PC: variants seen among roughly 807,000 people sequenced by gnomAD.
The protein encoded by PC is pyruvate carboxylase.
PC carries 46 observed loss-of-function variants against 107.8 expected under a neutral mutation model. That is an observed-to-expected ratio of 0.43 (90% CI 0.34 to 0.55). The LOEUF is 0.55. Among genes scored for constraint, PC ranks in the 20% least tolerant of loss-of-function variants. PC has a pLI of 0.04. For synonymous variants in PC, 662 were observed against 684.7 expected, an observed-to-expected ratio of 0.97 and a Z score of 0.52; for missense variants, 1,241 against 1,643.1, an observed-to-expected ratio of 0.76 and a Z score of 4.23.
chr11:66,935,120 T>C (rs1948963621), intron 3 of PC, among the ~76,000 whole-genome samples: 1 of 152,256 alleles, frequency 6.6e-6, no homozygotes, highest in Non-Finnish European at 1.5e-5. Flanking sequence ...GAGCTGTGCA[T>C]AGCACAGATG....
intron 13 of PC, 51 bp downstream of exon 13, chr11:66,853,188 T>C (rs765623060): frequency 3.1e-6 from 5 of 1,599,632 alleles, no homozygotes; most frequent in Admixed American, 1.7e-5. Flanking sequence ...GAGCAAGAGA[T>C]TGGAGAGCGG....
Position 66,858,011 on chromosome 11 carries a change from C to A in PC, c.1369-4628G>T. On this transcript the variant is annotated intron_variant, in intron 12 of 22. Transcript: ENST00000393960. This position sits in a 1 kb window ranked among gnomAD's most constrained non-coding sequence, Gnocchi z 5.9. ...GCAATGCCATCACCCGCATTGGGGC[C>A]CGCGCCTTTGGGGACCTCGAGAGCC... is the stretch of plus-strand genomic sequence containing the variant. 3.1e-6 allele frequency: 5 copies of A among 1,612,366 alleles called. No individual in the cohort carries two copies. Among genetic ancestry groups the A allele is most frequent in the Non-Finnish European group, 4.2e-6 (5 of 1,179,956 alleles).
At chr11:66,948,518 C>A (rs1220868761) in intron 3 of PC, among the ~76,000 whole-genome samples, 1 of 152,138 alleles carries the variant, frequency 6.6e-6, no homozygotes, top group Non-Finnish European at 1.5e-5. Context: ...TAAATATGTG[C>A]AACTTATTAT....
chr11:66,873,557 T>TTA (rs1555028751), intron 3 of PC, among the ~76,000 whole-genome samples: 5 of 107,422 alleles, frequency 4.7e-5, no homozygotes, highest in African/African-American at 1.8e-4. Flanking sequence ...TATTATAATA[T>TTA]TATATAATAT....
chr11:66,860,459 T>A (rs1250631379), intron 12 of PC: 1 of 704,138 alleles, frequency 1.4e-6, no homozygotes, highest in Non-Finnish European at 2.6e-6. Flanking sequence ...TATAATAAAA[T>A]TGTTGGGGAC....
rs752883447 is a variant in PC at position 66,852,827 on chromosome 11, A to T, written c.1523T>A (p.Met508Lys). ...QKLLHYLGHV[M>K]VNGPTTPIPV... is the part of the protein sequence containing the mutation. ...AATCGGGGTGGTTGGACCGTTTACC[A>T]TGACATGGCCTGGGGAGAAAGCGGG... Residue 508 changes from methionine (M) to lysine (K), a missense_variant, in exon 14 of 23, where the codon ATG becomes AAG. By Grantham distance (95) the Met-to-Lys change is moderately conservative. Around this residue, in one of 2 missense-constraint regions of PC, gnomAD observed 1,143 missense variants for 1,551.9 expected, o/e 0.74. Coordinates refer to ENST00000393960, the MANE Select transcript of PC (RefSeq NM_001040716.2). The surrounding 1 kb of genome is among the most constrained non-coding windows in gnomAD (Gnocchi z 4.7). The T allele has an allele frequency of 5.1e-6, 8 of 1,570,856 alleles. No homozygotes were observed. The highest frequency in any genetic ancestry group is 4.8e-5 in the South Asian group (4 of 84,050).
At chr11:66,948,565 T>C (rs1185242690) in intron 3 of PC, among the ~76,000 whole-genome samples, 6 of 152,132 alleles carry the variant, frequency 3.9e-5, no homozygotes, top group African/African-American at 1.4e-4. Context: ...TTGTAAAAAC[T>C]AAAATGTATC....
chr11:66,945,959 G>A (rs1364121170), intron 3 of PC, among the ~76,000 whole-genome samples: 5 of 151,054 alleles, frequency 3.3e-5, no homozygotes, highest in African/African-American at 7.3e-5. Flanking sequence ...GGTGGCGGGC[G>A]CCTGTAGTCC....
At chr11:66,850,534 G>A in intron 18 of PC, 70 bp from the exon 19 acceptor site, 1 of 1,610,286 alleles carries the variant, frequency 6.2e-7, no homozygotes, top group Non-Finnish European at 8.5e-7. Flanking sequence ...GGCTAGCTCA[G>A]GTCCCATGTC....
chr11:66,895,299 A>G (rs1447808304), intron 3 of PC, among the ~76,000 whole-genome samples: 1 of 152,126 alleles, frequency 6.6e-6, no homozygotes, highest in African/African-American at 2.4e-5. Context: ...GCCTGCCCAG[A>G]TCATGTACTG....
intron 3 of PC, among the ~76,000 whole-genome samples, chr11:66,873,001 C>T (rs553814108): frequency 1.1e-4 from 16 of 145,902 alleles, no homozygotes; most frequent in African/African-American, 3.8e-4. Context: ...TGCGCCACTG[C>T]CCTCAGCCTG....
Position 66,872,110 on chromosome 11 carries a change from C to T in PC, c.50G>A (p.Arg17His), listed in dbSNP as rs375282341. 1.2e-4 allele frequency: 188 copies of T among 1,575,030 alleles called. No homozygotes were observed. Among genetic ancestry groups the T allele is most frequent in the Non-Finnish European group, 1.5e-4 (170 of 1,161,102 alleles). ...VHGGLRLLGIRRTSTAPAASP... is the reference protein window; with the variant it reads ...VHGGLRLLGIHRTSTAPAASP... The stretch of plus-strand genomic sequence containing the variant: ...GGCAGCGGGGGCGGTGGAGGTTCGG[C>T]GGATTCCCAGGAGCCTCAGGCCCCC... The change falls in exon 4 of 23, where the codon CGC (arginine) becomes CAC (histidine). Residue 17 changes from arginine to histidine, a missense_variant. By Grantham distance (29) the Arg-to-His change is conservative. Around this residue, in one of 2 missense-constraint regions of PC, gnomAD observed 1,143 missense variants for 1,551.9 expected, o/e 0.74. Coordinates refer to ENST00000393960, the MANE Select transcript of PC (RefSeq NM_001040716.2).
chr11:66,860,633 G>C, intron 12 of PC: 2 of 701,800 alleles, frequency 2.8e-6, no homozygotes, highest in Non-Finnish European at 2.6e-6. Context: ...GGGCGGCCCA[G>C]GGCTGCGGCC....
intron 3 of PC, among the ~76,000 whole-genome samples, chr11:66,928,579 G>A (rs1188549069): frequency 1.3e-5 from 2 of 151,976 alleles, no homozygotes; most frequent in Non-Finnish European, 2.9e-5. Flanking sequence ...AGGCTAAAGT[G>A]CAATGGAGCG....
chr11:66,871,696 C>T lies in PC; in HGVS notation c.312G>A (p.Lys104=). ...QAYLHIPDII[K]VAKENNVDAV... ...AGGCCACTGGGCTCACCTTGGCCAC[C>T]TTGATGATGTCTGGGATGTGCAGGT... Residue 104 remains lysine, a synonymous_variant, in exon 5 of 23, where the codon AAG becomes AAA. Coordinates refer to ENST00000393960, the MANE Select transcript of PC (RefSeq NM_001040716.2). The surrounding 1 kb of genome is among the most constrained non-coding windows in gnomAD (Gnocchi z 7.4). 1 of 1,567,398 alleles carries T rather than the reference C, an allele frequency of 6.4e-7. No individual in the cohort carries two copies. Among genetic ancestry groups the T allele is most frequent in the Non-Finnish European group, 8.7e-7 (1 of 1,156,038 alleles).
chr11:66,918,298 G>T, intron 3 of PC, among the ~76,000 whole-genome samples: 1 of 137,466 alleles, frequency 7.3e-6, no homozygotes, highest in South Asian at 2.2e-4. Context: ...ACTTTGGGAG[G>T]CTGAGGCAGG....
intron 3 of PC, among the ~76,000 whole-genome samples, chr11:66,876,864 G>A (rs1300810427): frequency 6.6e-6 from 1 of 152,208 alleles, no homozygotes; most frequent in African/African-American, 2.4e-5. Flanking sequence ...GGCGAGGGGA[G>A]CCTTCGGGAC....
chr11:66,936,901 G>A (rs553391607), intron 3 of PC, among the ~76,000 whole-genome samples: 246 of 152,020 alleles, frequency 1.6e-3, no homozygotes, highest in African/African-American at 5.8e-3. Context: ...ATGCAGTGGC[G>A]CGATCTTGGC....
At chr11:66,865,804 C>T (rs76097371) in intron 11 of PC, among the ~76,000 whole-genome samples, 3,052 of 152,268 alleles carry the variant, frequency 0.02, 119 homozygotes, top group African/African-American at 0.068. Context: ...CCCCCAGGTC[C>T]TGCCATGTCA....
Sources: allele counts gnomAD v4.1 joint callset (sites outside exome capture counted in the v4.1 genomes callset), GRCh38; gene constraint gnomAD v4.1.1; regional missense constraint gnomAD v4.1.1; non-coding constraint Gnocchi (gnomAD v3.1); transcripts MANE v1.5; gene names NCBI Gene and HGNC (gene_info 2026-07-23, HGNC 2026-07-21).